MACIR: variants seen among roughly 807,000 people sequenced by gnomAD.
MACIR encodes the protein UNC119-binding protein C5orf30.
MACIR carries 4 observed loss-of-function variants against 14.3 expected under a neutral mutation model. That is an observed-to-expected ratio of 0.28 (90% CI 0.14 to 0.64). The LOEUF is 0.64. Ranked by LOEUF, MACIR falls within the 30% of genes least tolerant of loss-of-function variation. MACIR has a pLI of 0.83. For missense variants in MACIR, 228 were observed against 257.6 expected (o/e 0.89, Z 0.79); for synonymous variants, 101 against 102.4 (o/e 0.99, Z 0.08).
intron 1 of MACIR, among the ~76,000 whole-genome samples, chr5:103,265,270 G>C (rs1804883218): frequency 1.3e-5 from 2 of 152,118 alleles, no homozygotes; most frequent in African/African-American, 4.8e-5. Flanking sequence ...TCTTATGAAA[G>C]ATTTACATTG....
intron 1 of MACIR, among the ~76,000 whole-genome samples, chr5:103,262,738 CTG>C (rs1554236409): frequency 1.3e-5 from 2 of 152,196 alleles, no homozygotes; most frequent in Non-Finnish European, 2.9e-5. Flanking sequence ...TAATGTCCCA[CTG>C]CATTCTGTTT....
upstream of MACIR, among the ~76,000 whole-genome samples, chr5:103,258,406 A>G (rs563328856): frequency 1.7e-3 from 256 of 152,152 alleles, no homozygotes; most frequent in African/African-American, 5.9e-3. Flanking sequence ...TCAGCACACC[A>G]CTTAACTGAG....
At position 103,275,963 on chromosome 5, in the gene MACIR, C is replaced by T. The variant is rs1473615183; in HGVS notation, c.44C>T (p.Thr15Ile). The T allele has an allele frequency of 1.9e-6, 3 of 1,613,806 alleles. No individual in the cohort carries two copies. Among genetic ancestry groups the T allele is most frequent in the Non-Finnish European group, 2.5e-6 (3 of 1,180,032 alleles). The change falls in exon 3 of 3, where the codon ACC becomes ATC. Residue 15 changes from threonine (T) to isoleucine (I), a missense_variant. Thr to Ile is a moderately conservative substitution (Grantham distance 89). Transcript: ENST00000319933. ...GGAGAGTCTAGAAGTACCCTGACCACCTTGCCCTTCCCTGGGGCTGAGGCC... is the reference window on the plus strand; with the variant it reads ...GGAGAGTCTAGAAGTACCCTGACCATCTTGCCCTTCCCTGGGGCTGAGGCC... Reference protein sequence around the residue: ...INGESRSTLTTLPFPGAEANS... With the variant: ...INGESRSTLTILPFPGAEANS...
chr5:103,274,427 G>A (rs1229846287), intron 2 of MACIR, among the ~76,000 whole-genome samples: 2 of 151,126 alleles, frequency 1.3e-5, no homozygotes, highest in African/African-American at 4.8e-5. Flanking sequence ...AATCTAAAAG[G>A]GTTCAGGGAC....
rs782684711 is a variant in MACIR, at chr5:103,276,251, G to A, written c.332G>A (p.Ser111Asn). 1.2e-6 allele frequency: 2 copies of A among 1,612,730 alleles called. No individual in the cohort carries two copies. Among genetic ancestry groups the A allele is most frequent in the South Asian group, 1.1e-5 (1 of 90,978 alleles). The part of the protein sequence containing the change: ...ARSSRLYKTR[S>N]RYYQPYEIPA... The stretch of plus-strand genomic sequence containing the variant: ...TCCTCTCGTTTGTATAAAACCAGAA[G>A]TAGGTACTACCAGCCATACGAGATT... Residue 111 changes from serine (S) to asparagine (N), a missense_variant, in exon 3 of 3, where the codon AGT becomes AAT. Coordinates refer to ENST00000319933, the MANE Select transcript of MACIR (RefSeq NM_033211.4).
intron 2 of MACIR, among the ~76,000 whole-genome samples, chr5:103,267,412 C>G (rs1804965838): frequency 6.6e-6 from 1 of 151,890 alleles, no homozygotes; most frequent in African/African-American, 2.4e-5. Context: ...TTTGCTTTTT[C>G]AAATATTTTC....
chr5:103,274,725 T>C (rs1805258076), intron 2 of MACIR, among the ~76,000 whole-genome samples: 1 of 152,038 alleles, frequency 6.6e-6, no homozygotes, highest in Non-Finnish European at 1.5e-5. Flanking sequence ...AATACTTCAA[T>C]AGGAAGTGGT....
chr5:103,259,145 T>C (rs1804564456), intron 1 of MACIR: 1 of 152,042 alleles, frequency 6.6e-6, no homozygotes, highest in Non-Finnish European at 1.5e-5. Context: ...CCCTTGGCCT[T>C]GGTGGACCGG....
chr5:103,261,687 TTTCTTTCTTTCTTTC>T (rs1804719601), intron 1 of MACIR, among the ~76,000 whole-genome samples: 1 of 129,046 alleles, frequency 7.7e-6, no homozygotes, highest in African/African-American at 3.1e-5. Flanking sequence ...TCTTTCTTTC[TTTCTTTCTTTCTTTC>T]TTCCTTTCTT....
chr5:103,260,800 G>A (rs1554236206), intron 1 of MACIR, among the ~76,000 whole-genome samples: 1 of 152,168 alleles, frequency 6.6e-6, no homozygotes, highest in African/African-American at 2.4e-5. Flanking sequence ...TTGTAGCTGG[G>A]GGTGAGGTGG....
At chr5:103,273,817 T>A (rs575551895) in intron 2 of MACIR, among the ~76,000 whole-genome samples, 1 of 152,324 alleles carries the variant, frequency 6.6e-6, no homozygotes, top group Admixed American at 6.5e-5. Flanking sequence ...TTTAAAGAAA[T>A]TTGTAATATA....
chr5:103,271,633 T>C (rs1805130029), intron 2 of MACIR, among the ~76,000 whole-genome samples: 1 of 152,136 alleles, frequency 6.6e-6, no homozygotes, highest in Non-Finnish European at 1.5e-5. Flanking sequence ...TATAAATACA[T>C]TGGTGCTATT....
At chr5:103,272,304 C>T (rs1805162468) in intron 2 of MACIR, among the ~76,000 whole-genome samples, 1 of 151,398 alleles carries the variant, frequency 6.6e-6, no homozygotes, top group Non-Finnish European at 1.5e-5. Context: ...AAATGTTGGA[C>T]ATCTGTATAT....
upstream of MACIR, among the ~76,000 whole-genome samples, chr5:103,258,474 T>C (rs548714333): frequency 6.6e-6 from 1 of 152,076 alleles, no homozygotes; most frequent in African/African-American, 2.4e-5. Context: ...GTGCTGGGTT[T>C]AGACTAGAGA....
intron 1 of MACIR, among the ~76,000 whole-genome samples, chr5:103,265,444 C>T (rs1425120749): frequency 1.3e-5 from 2 of 152,146 alleles, no homozygotes; most frequent in African/African-American, 4.8e-5. Context: ...TTACGGTCCA[C>T]ATTTTAGAGA....
intron 2 of MACIR, among the ~76,000 whole-genome samples, chr5:103,274,762 G>C (rs1554237462): frequency 6.6e-6 from 1 of 152,048 alleles, no homozygotes; most frequent in African/African-American, 2.4e-5. Context: ...AGATTCGTAA[G>C]AGTTATTTAA....
chr5:103,271,602 G>A (rs114644524), intron 2 of MACIR, among the ~76,000 whole-genome samples: 1 of 151,982 alleles, frequency 6.6e-6, no homozygotes, highest in Non-Finnish European at 1.5e-5. Flanking sequence ...ATCTATAAAC[G>A]TTGCCAAATC....
chr5:103,270,689 C>T (rs1805092858), intron 2 of MACIR, among the ~76,000 whole-genome samples: 1 of 152,112 alleles, frequency 6.6e-6, no homozygotes, highest in Non-Finnish European at 1.5e-5. Flanking sequence ...TGAGATATCT[C>T]TGTGTATGGT....
At chr5:103,260,367 G>C (rs1361697881) in intron 1 of MACIR, among the ~76,000 whole-genome samples, 2 of 152,088 alleles carry the variant, frequency 1.3e-5, no homozygotes, top group African/African-American at 4.8e-5. Flanking sequence ...TCAAAATATA[G>C]TATTGGTTAT....
Sources: gnomAD v4.1 joint callset for allele counts (sites outside exome capture counted in the v4.1 genomes callset) on GRCh38, gnomAD v4.1.1 for gene constraint, MANE v1.5 for transcripts, NCBI Gene and HGNC (gene_info 2026-07-23, HGNC 2026-07-21) for gene names.